Variants in MRTFB observed in about 807,000 individuals in gnomAD.
MRTFB encodes myocardin related transcription factor B, also known as myocardin-related transcription factor B.
Under a neutral mutation model 104.2 loss-of-function variants are expected in MRTFB, and 29 were observed. That is an observed-to-expected ratio of 0.28 (90% CI 0.21 to 0.38). The LOEUF (loss-of-function observed/expected upper bound fraction) is 0.38, where lower values mean the gene tolerates loss of function less well. MRTFB is among the 10% of genes least tolerant of loss of function. MRTFB has a pLI of 1.00. For synonymous variants in MRTFB, 535 were observed against 519.5 expected (o/e 1.03, Z -0.41); for missense variants, 1,270 against 1,341.6 (o/e 0.95, Z 0.83).
Position 14,150,647 on chromosome 16 carries a change from A to G in MRTFB, c.154+9887A>G, listed in dbSNP as rs2038568003. On this transcript the variant is annotated intron_variant, in intron 3 of 16. Coordinates refer to ENST00000571589, the MANE Select transcript of MRTFB (RefSeq NM_001308142.2). Reference sequence around the variant, plus strand: ...CCTGGAGTTCAAGACCAGCTTGGACAATATATAGCAAGACCTCATCATAAG... The same window carrying G: ...CCTGGAGTTCAAGACCAGCTTGGACGATATATAGCAAGACCTCATCATAAG... Among the ~76,000 whole-genome samples, 3 of 152,160 alleles carry G rather than the reference A, an allele frequency of 2.0e-5. No homozygotes were observed. The South Asian group carries it at 6.2e-4, about 32-fold the overall frequency.
intron 2 of MRTFB, among the ~76,000 whole-genome samples, chr16:14,088,660 G>A (rs1160991360): frequency 6.6e-6 from 1 of 152,150 alleles, no homozygotes; most frequent in Admixed American, 6.5e-5. Flanking sequence ...GTTCAATACA[G>A]CAGAGACTTG....
intron 2 of MRTFB, among the ~76,000 whole-genome samples, chr16:14,096,956 C>G (rs984501485): frequency 1.3e-5 from 2 of 152,240 alleles, no homozygotes; most frequent in Non-Finnish European, 2.9e-5. Flanking sequence ...AGACATACCT[C>G]TCATTCTAGA....
intron 1 of MRTFB, 141 bp downstream of exon 1, chr16:14,071,506 C>T (rs1248565897): frequency 6.6e-6 from 1 of 152,288 alleles, no homozygotes; most frequent in Non-Finnish European, 1.5e-5. Context: ...GCAGCTGCGG[C>T]GCCGTTTGGT....
chr16:14,134,085 T>C (rs2037581563), intron 2 of MRTFB, among the ~76,000 whole-genome samples: 1 of 152,208 alleles, frequency 6.6e-6, no homozygotes, highest in Non-Finnish European at 1.5e-5. Flanking sequence ...TAAGAATGTA[T>C]CATGTTGGAG....
At chr16:14,211,993 C>CA (rs2041209985) in intron 4 of MRTFB, among the ~76,000 whole-genome samples, 2 of 152,178 alleles carry the variant, frequency 1.3e-5, no homozygotes, top group African/African-American at 4.8e-5. Flanking sequence ...CTCCCAAGGA[C>CA]ATACGGACTT....
At chr16:14,174,644 C>A (rs1302725567) in intron 3 of MRTFB, among the ~76,000 whole-genome samples, 1 of 152,186 alleles carries the variant, frequency 6.6e-6, no homozygotes, top group Non-Finnish European at 1.5e-5. Flanking sequence ...AATCACACGA[C>A]CACACTCCAT....
intron 8 of MRTFB, among the ~76,000 whole-genome samples, chr16:14,223,865 C>T (rs1357181596): frequency 2.0e-5 from 3 of 152,298 alleles, no homozygotes; most frequent in African/African-American, 4.8e-5. Context: ...TACAGTCATG[C>T]TTTGCTTAAC....
intron 2 of MRTFB, among the ~76,000 whole-genome samples, chr16:14,113,616 G>A (rs1005308194): frequency 6.6e-6 from 1 of 152,124 alleles, no homozygotes; most frequent in African/African-American, 2.4e-5. Context: ...GAGTTACTGG[G>A]ACATTGGATA....
At chr16:14,142,684 C>A (rs760665181) in intron 3 of MRTFB, 1 of 152,082 alleles carries the variant, frequency 6.6e-6, no homozygotes, top group East Asian at 1.9e-4. Context: ...CAAATTATTA[C>A]CCTAAAAGAA....
At chr16:14,215,105 C>A (rs1264801126) in intron 6 of MRTFB, among the ~76,000 whole-genome samples, 3 of 152,166 alleles carry the variant, frequency 2.0e-5, no homozygotes, top group African/African-American at 7.2e-5. Flanking sequence ...ACAATGCTAT[C>A]TGTTTCAATT....
At chr16:14,114,061 G>A (rs2036413203) in intron 2 of MRTFB, among the ~76,000 whole-genome samples, 1 of 152,176 alleles carries the variant, frequency 6.6e-6, no homozygotes, top group Non-Finnish European at 1.5e-5. Flanking sequence ...TTAGGGTCAA[G>A]TACTAGTATT....
chr16:14,012,295 C>CT, the MRTFB span, among the ~76,000 whole-genome samples: 8 of 107,914 alleles, frequency 7.4e-5, no homozygotes, highest in African/African-American at 2.1e-4. Flanking sequence ...CTTTTTCTTT[C>CT]TTTCTTTTTT....
At chr16:14,012,299 CT>C in the MRTFB span, among the ~76,000 whole-genome samples, 691 of 104,544 alleles carry the variant, frequency 6.6e-3, 8 homozygotes, top group African/African-American at 0.024. Context: ...TTCTTTCTTT[CT>C]TTTTTTTTTT....
At chr16:14,059,609 A>G in the MRTFB span, among the ~76,000 whole-genome samples, 1 of 152,194 alleles carries the variant, frequency 6.6e-6, no homozygotes, top group Non-Finnish European at 1.5e-5. Flanking sequence ...AGATGGTGAC[A>G]GCACATCAAA....
the MRTFB span, chr16:14,019,609 C>A: frequency 6.6e-6 from 1 of 152,164 alleles, no homozygotes; most frequent in African/African-American, 2.4e-5. Context: ...CCTCCATGAC[C>A]CACATACTTG....
the MRTFB span, among the ~76,000 whole-genome samples, chr16:14,063,811 C>G: frequency 6.6e-6 from 1 of 152,216 alleles, no homozygotes; most frequent in Non-Finnish European, 1.5e-5. Flanking sequence ...TGATCTCATT[C>G]TTTTTCATGG....
chr16:14,127,929 A>ATATATATATATT (rs1393344981), intron 2 of MRTFB, among the ~76,000 whole-genome samples: 7 of 44,626 alleles, frequency 1.6e-4, no homozygotes, highest in Non-Finnish European at 2.0e-4. Flanking sequence ...ATATATATAT[A>ATATATATATATT]TTTTTTTTTT....
At chr16:14,014,290 A>C in the MRTFB span, among the ~76,000 whole-genome samples, 67 of 152,328 alleles carry the variant, frequency 4.4e-4, no homozygotes, top group Middle Eastern at 3.4e-3. Context: ...TCATGCCTGT[A>C]ATCCCAGCAC....
At chr16:14,256,553 G>C (rs2043502519) in intron 15 of MRTFB, among the ~76,000 whole-genome samples, 1 of 152,170 alleles carries the variant, frequency 6.6e-6, no homozygotes. Context: ...ATGCCATGTG[G>C]ACATGCCAGC....
Sources: gnomAD v4.1 joint callset for allele counts (sites outside exome capture counted in the v4.1 genomes callset) on GRCh38, gnomAD v4.1.1 for gene constraint, MANE v1.5 for transcripts, NCBI Gene and HGNC (gene_info 2026-07-23, HGNC 2026-07-21) for gene names.